Variants in PHLDB2 observed in about 807,000 individuals in gnomAD.
PHLDB2 encodes pleckstrin homology like domain family B member 2, also known as pleckstrin homology-like domain family B member 2.
In PHLDB2, 71 loss-of-function variants were observed where a neutral mutation model predicts 123.6. The ratio of observed to expected loss-of-function variants is 0.57; its 90% CI spans 0.47 to 0.70. The LOEUF is 0.70. Ranked by LOEUF, PHLDB2 falls within the 30% of genes least tolerant of loss-of-function variation. The pLI, the probability that PHLDB2 is intolerant of heterozygous loss-of-function variation, is 0.00. For synonymous variants in PHLDB2, 547 were observed against 541.6 expected, an observed-to-expected ratio of 1.01 and a Z score of -0.14; for missense variants, 1,446 against 1,519.5, an observed-to-expected ratio of 0.95 and a Z score of 0.80.
chr3:111,830,538 G>T (rs1315540546), intron 1 of PHLDB2, among the ~76,000 whole-genome samples: 1 of 149,030 alleles, frequency 6.7e-6, no homozygotes, highest in South Asian at 2.1e-4. Context: ...GGCCGGGCGC[G>T]GTGGCTCACG....
Position 111,974,472 on chromosome 3 carries a change from AT to A in PHLDB2, c.3673del (p.Tyr1225IlefsTer3). 1 of 1,613,684 alleles carries A rather than the reference AT, an allele frequency of 6.2e-7. No homozygotes were observed. Among genetic ancestry groups the A allele is most frequent in the Non-Finnish European group, 8.5e-7 (1 of 1,179,736 alleles). On this transcript the variant is annotated frameshift_variant, in exon 18 of 18. Coordinates refer to ENST00000431670, the MANE Select transcript of PHLDB2 (RefSeq NM_001134438.2). LOFTEE classifies it high-confidence loss of function. ...AGCGTCAAGACTCATGACAGAATCT[AT>A]TATATGGTAGCCCCATCGCCAGAAG... ...TFSVKTHDRI[Y>X]YMVAPSPEAM...
chr3:111,741,769 G>A (rs2059608203), intron 1 of PHLDB2, among the ~76,000 whole-genome samples: 1 of 152,040 alleles, frequency 6.6e-6, no homozygotes, highest in Non-Finnish European at 1.5e-5. Context: ...CTCTAAAATT[G>A]CCACAACACA....
upstream of PHLDB2, among the ~76,000 whole-genome samples, chr3:111,855,064 G>A (rs539389605): frequency 7.2e-5 from 11 of 151,974 alleles, no homozygotes; most frequent in Non-Finnish European, 1.6e-4. Flanking sequence ...GGGTTAATCA[G>A]AAGTCAACAG....
In PHLDB2 at chr3:111,939,582, G is replaced by A; in HGVS notation, c.2238G>A (p.Gln746=). 1 of 1,613,788 alleles carries A rather than the reference G, an allele frequency of 6.2e-7. No individual in the cohort carries two copies. Residue 746 remains glutamine (Q), a synonymous_variant, in exon 7 of 18, where the codon CAG becomes CAA. Coordinates refer to ENST00000431670, the MANE Select transcript of PHLDB2 (RefSeq NM_001134438.2). ...LDEEKENLTQ[Q]LLREVAEYQR... ...AAGAAAAGGAGAACTTGACTCAACA[G>A]CTCCTGCGTGAAGTTGCTGAATATC...
At chr3:111,793,409 T>C in intron 1 of PHLDB2, among the ~76,000 whole-genome samples, 1 of 152,114 alleles carries the variant, frequency 6.6e-6, no homozygotes, top group East Asian at 1.9e-4. Flanking sequence ...CACTGTTAGA[T>C]CTGGGTCTCT....
chr3:111,879,959 A>G (rs1028049854), intron 1 of PHLDB2, among the ~76,000 whole-genome samples: 4 of 139,914 alleles, frequency 2.9e-5, no homozygotes, highest in Non-Finnish European at 6.1e-5. Context: ...CTCAAGACCC[A>G]TATCTTGAAA....
chr3:111,912,838 G>T (rs769628370), intron 2 of PHLDB2, among the ~76,000 whole-genome samples: 31 of 152,220 alleles, frequency 2.0e-4, no homozygotes, highest in Non-Finnish European at 2.5e-4. Flanking sequence ...TGAATTTGGT[G>T]CAATGGCATG....
intron 8 of PHLDB2, 131 bp downstream of exon 8, chr3:111,940,776 TTTTA>T: frequency 2.3e-6 from 1 of 430,196 alleles, no homozygotes; most frequent in Middle Eastern, 6.0e-4. Context: ...TTATATACTT[TTTTA>T]TTTAATCCTC....
At chr3:111,939,325 A>C in intron 6 of PHLDB2, 150 bp from the exon 7 acceptor site, 1 of 708,372 alleles carries the variant, frequency 1.4e-6, no homozygotes, top group Non-Finnish European at 2.1e-6. Context: ...TCTGGGATTT[A>C]ACTCCAAAAG....
chr3:111,927,943 T>C (rs2068903204), intron 5 of PHLDB2, among the ~76,000 whole-genome samples: 1 of 152,258 alleles, frequency 6.6e-6, no homozygotes, highest in Admixed American at 6.5e-5. Flanking sequence ...TGTTATTGTC[T>C]TTTAACCATC....
intron 2 of PHLDB2, among the ~76,000 whole-genome samples, chr3:111,904,277 C>A (rs937560): frequency 0.032 from 2,750 of 86,602 alleles, 168 homozygotes; most frequent in African/African-American, 0.088. Flanking sequence ...GACCCTGTCT[C>A]AAAAAAAAAA....
chr3:111,790,324 TGTCTCCTTTCTGACCACAAAA>T (rs2060861348), intron 1 of PHLDB2, among the ~76,000 whole-genome samples: 1 of 152,234 alleles, frequency 6.6e-6, no homozygotes, highest in Admixed American at 6.5e-5. Flanking sequence ...AAGTTCATTG[TGTCTCCTTTCTGACCACAAAA>T]GTTTACTCCA....
intron 2 of PHLDB2, among the ~76,000 whole-genome samples, chr3:111,893,233 CTT>C (rs77407830): frequency 3.5e-5 from 5 of 142,084 alleles, no homozygotes; most frequent in Non-Finnish European, 4.6e-5. Flanking sequence ...TAGTATTAAT[CTT>C]TTTTTTTTTT....
At chr3:111,901,270 A>G (rs1344015651) in intron 2 of PHLDB2, among the ~76,000 whole-genome samples, 3 of 151,860 alleles carry the variant, frequency 2.0e-5, no homozygotes, top group Non-Finnish European at 4.4e-5. Flanking sequence ...TGAGGCAGGA[A>G]AATCACTTGA....
At chr3:111,970,412 G>T (rs1014404849) in intron 16 of PHLDB2, among the ~76,000 whole-genome samples, 4 of 152,136 alleles carry the variant, frequency 2.6e-5, no homozygotes, top group African/African-American at 9.7e-5. Flanking sequence ...TTGATTGATT[G>T]TCATACGTCC....
At position 111,914,730 on chromosome 3, in the gene PHLDB2, AT is replaced by A. The variant is rs752444493; in HGVS notation, c.1719+1034del. The A allele has an allele frequency of 2.0e-5, 3 of 151,594 alleles. No homozygotes were observed. In the East Asian group the frequency reaches 5.8e-4, roughly 29 times the overall value. 9.4% of individuals were successfully genotyped at this position (151,594 alleles called of 1,614,324 possible). ...TAGTCTTTATTTTGACTTTATTTGT[AT>A]TTTTTCGGCATATAGGAGTTTAAGA... On this transcript the variant is annotated intron_variant, in intron 3 of 17. Coordinates refer to ENST00000431670, the MANE Select transcript of PHLDB2 (RefSeq NM_001134438.2).
At chr3:111,953,791 A>G (rs998628494) in intron 11 of PHLDB2, 139 bp from the exon 12 acceptor site, 5 of 618,878 alleles carry the variant, frequency 8.1e-6, no homozygotes, top group Non-Finnish European at 1.4e-5. Context: ...ACCACTTAGC[A>G]TCAACAAATG....
At chr3:111,810,116 A>G (rs892999841) in intron 1 of PHLDB2, among the ~76,000 whole-genome samples, 3 of 152,170 alleles carry the variant, frequency 2.0e-5, no homozygotes, top group Non-Finnish European at 2.9e-5. Flanking sequence ...TCACTCTAAC[A>G]CTGCCATGGA....
At chr3:111,921,435 C>T (rs10934125) in intron 5 of PHLDB2, among the ~76,000 whole-genome samples, 55,790 of 151,754 alleles carry the variant, frequency 0.37, 10,729 homozygotes, top group East Asian at 0.71. Context: ...TGTTTAAGAC[C>T]TATAAATAAG....
Sources: allele counts gnomAD v4.1 joint callset (sites outside exome capture counted in the v4.1 genomes callset), GRCh38; gene constraint gnomAD v4.1.1; transcripts MANE v1.5; gene names NCBI Gene and HGNC (gene_info 2026-07-23, HGNC 2026-07-21).